PGD: variants seen among roughly 807,000 people sequenced by gnomAD.
PGD encodes the protein phosphogluconate dehydrogenase, also known as 6-phosphogluconate dehydrogenase, decarboxylating.
PGD carries 21 observed loss-of-function variants against 60.4 expected under a neutral mutation model. The observed-to-expected ratio is 0.35, with a 90% CI of 0.25 to 0.50. PGD has a LOEUF of 0.50. Ranked by LOEUF, PGD falls within the 20% of genes least tolerant of loss-of-function variation. PGD has a pLI of 0.98. For synonymous variants in PGD, 230 were observed against 235.9 expected (o/e 0.97, Z 0.23); for missense variants, 477 against 613.1 (o/e 0.78, Z 2.34).
At chr1:10,405,790 C>A (rs919598680) in intron 5 of PGD, among the ~76,000 whole-genome samples, 1 of 151,338 alleles carries the variant, frequency 6.6e-6, no homozygotes, top group African/African-American at 2.4e-5. Context: ...GAGCCGAGAT[C>A]TCACCACTGC....
chr1:10,404,347 G>C, intron 5 of PGD, 68 bp downstream of exon 5: 2 of 961,296 alleles, frequency 2.1e-6, no homozygotes, highest in Admixed American at 5.2e-5. Flanking sequence ...AATAAGCCAG[G>C]AGCAGTTCTG....
chr1:10,417,721 TC>T (rs1271582326), intron 10 of PGD, among the ~76,000 whole-genome samples: 2 of 152,148 alleles, frequency 1.3e-5, no homozygotes, highest in Non-Finnish European at 2.9e-5. Flanking sequence ...CCTTTTTTTT[TC>T]TTTTGAGACC....
At position 10,413,230 on chromosome 1, in the gene PGD, G is replaced by A. The variant is rs199582637; in HGVS notation, c.823G>A (p.Gly275Ser). The A allele has an allele frequency of 5.6e-6, 9 of 1,614,108 alleles. No homozygotes were observed. The highest frequency in any genetic ancestry group is 5.0e-5 in the Admixed American group (3 of 60,016). Residue 275 changes from glycine (G) to serine (S), a missense_variant, in exon 8 of 13, where the codon GGC (glycine) becomes AGC (serine). Gly to Ser is a moderately conservative substitution (Grantham distance 56). This residue lies in a region of PGD where 431 missense variants were observed against 556.6 expected (regional missense o/e 0.77). Coordinates refer to ENST00000270776, the MANE Select transcript of PGD (RefSeq NM_002631.4). The part of the protein sequence containing the change: ...KWTAISALEY[G>S]VPVTLIGEAV... ...GACCGCCATCTCCGCCCTGGAATACGGCGTACCCGTCACCCTCATTGGTAA... is the reference window on the plus strand; with the variant it reads ...GACCGCCATCTCCGCCCTGGAATACAGCGTACCCGTCACCCTCATTGGTAA...
chr1:10,418,844 A>G lies in PGD; in HGVS notation c.1128A>G (p.Ile376Met), dbSNP rs930964915. ...ATTTCAGTGTATTCCTAGGAAAGAT[A>G]AAGGATGCATTTGATCGAAACCCGG... ...CIIRSVFLGK[I>M]KDAFDRNPEL... is the part of the protein sequence containing the mutation. The change falls in exon 11 of 13, where the codon ATA (isoleucine) becomes ATG (methionine). Residue 376 changes from isoleucine (I) to methionine (M), a missense_variant. By Grantham distance (10) the Ile-to-Met change is conservative. This residue lies in a region of PGD where 431 missense variants were observed against 556.6 expected (regional missense o/e 0.77). Coordinates refer to ENST00000270776, the MANE Select transcript of PGD (RefSeq NM_002631.4). The G allele has an allele frequency of 1.9e-6, 3 of 1,599,898 alleles. No individual in the cohort carries two copies. The highest frequency in any genetic ancestry group is 2.6e-6 in the Non-Finnish European group (3 of 1,167,544).
chr1:10,419,721 C>T lies in PGD; in HGVS notation c.1424C>T (p.Thr475Ile), dbSNP rs768652850. The T allele has an allele frequency of 1.2e-6, 2 of 1,614,208 alleles. No individual in the cohort carries two copies. Among genetic ancestry groups the T allele is most frequent in the Non-Finnish European group, 1.7e-6 (2 of 1,180,020 alleles). Residue 475 changes from threonine (T) to isoleucine (I), a missense_variant, in exon 13 of 13, where the codon ACC (threonine) becomes ATC (isoleucine). Coordinates refer to ENST00000270776, the MANE Select transcript of PGD (RefSeq NM_002631.4). ...IHTNWTGHGG[T>I]VSSSSYNA Reference sequence around the variant, plus strand: ...ACCAACTGGACAGGCCATGGTGGCACCGTGTCATCCTCGTCATACAATGCC... The same window carrying T: ...ACCAACTGGACAGGCCATGGTGGCATCGTGTCATCCTCGTCATACAATGCC...
At chr1:10,399,222 C>T (rs1639266359) in intron 1 of PGD, 97 bp downstream of exon 1, 1 of 1,412,376 alleles carries the variant, frequency 7.1e-7, no homozygotes, top group East Asian at 2.4e-5. Context: ...GCCTCCCACC[C>T]TGGGGGTCGC....
At position 10,400,336 on chromosome 1, in the gene PGD, A is replaced by G. The variant is rs765875596; in HGVS notation, c.85-57A>G. The G allele has an allele frequency of 3.8e-6, 5 of 1,329,696 alleles. No individual in the cohort carries two copies. The African/African-American group carries it at 4.4e-5, about 12-fold the overall frequency. The allele number at this position is 1,329,696 out of a possible 1,614,324, so 82.4% of individuals were successfully genotyped here. A position where few individuals can be genotyped will look rare whatever the true frequency, so the allele number is the denominator to read the frequency against. ...TGGAAAGGTCATTGTTACTTTGGCC[A>G]CAGTCTGAAAGTCTTGTGTGTCCTG... On this transcript the variant is annotated intron_variant, in intron 2 of 12. Coordinates refer to ENST00000270776, the MANE Select transcript of PGD (RefSeq NM_002631.4).
intron 2 of PGD, 96 bp downstream of exon 2, chr1:10,399,800 C>G (rs1639284072): frequency 1.9e-6 from 2 of 1,050,456 alleles, no homozygotes; most frequent in African/African-American, 3.1e-5. Context: ...CCTGGCCGTG[C>G]TTTGCTAATG....
At chr1:10,399,979 G>A in intron 2 of PGD, 1 of 546,336 alleles carries the variant, frequency 1.8e-6, no homozygotes, top group Non-Finnish European at 3.3e-6. Context: ...TGCGGGAGGA[G>A]AACCCTTGCT....
chr1:10,407,995 G>A, intron 5 of PGD, 76 bp from the exon 6 acceptor site: 1 of 837,562 alleles, frequency 1.2e-6, no homozygotes, highest in Non-Finnish European at 2.1e-6. Flanking sequence ...GTGTCTATGG[G>A]TATGTTGGTG....
In PGD at chr1:10,408,502, A is replaced by G. The variant is rs114789841; in HGVS notation, c.519+362A>G. Among the ~76,000 whole-genome samples, 1,181 of 152,288 alleles carry G rather than the reference A, an allele frequency of 7.8e-3. 13 individuals are homozygous for G. The highest frequency in any genetic ancestry group is 0.037 in the Middle Eastern group (11 of 294). ...AAGTGGCGTTTGCTTGCATGGGTGA[A>G]AGGTGGAAGATTGAAGGTACTGTTG... On this transcript the variant is annotated intron_variant, in intron 6 of 12. Transcript: ENST00000270776.
chr1:10,414,610 CAG>C (rs1180768668), intron 8 of PGD, among the ~76,000 whole-genome samples: 3 of 151,816 alleles, frequency 2.0e-5, no homozygotes, highest in South Asian at 2.1e-4. Flanking sequence ...CTCCTAACCT[CAG>C]GGGATCTGCC....
chr1:10,413,143 G>C lies in PGD; in HGVS notation c.736G>C (p.Asp246His). The change falls in exon 8 of 13, where the codon GAT (aspartate) becomes CAT (histidine). Residue 246 changes from aspartate to histidine, a missense_variant. Physicochemically the swap from Asp to His is moderately conservative, Grantham distance 81 (BLOSUM62 -1). Coordinates refer to ENST00000270776, the MANE Select transcript of PGD (RefSeq NM_002631.4). ...TANILKFQDT[D>H]GKHLLPKIRD... The stretch of plus-strand genomic sequence containing the variant: ...CAATATTCTCAAGTTCCAAGACACC[G>C]ATGGCAAACACCTGCTGCCAAAGAT... 1 of 1,613,992 alleles carries C rather than the reference G, an allele frequency of 6.2e-7. No homozygotes were observed. The highest frequency in any genetic ancestry group is 8.5e-7 in the Non-Finnish European group (1 of 1,179,898).
At chr1:10,403,965 C>T (rs1235896885) in intron 4 of PGD, among the ~76,000 whole-genome samples, 196 bp from the exon 5 acceptor site, 1 of 152,132 alleles carries the variant, frequency 6.6e-6, no homozygotes, top group Non-Finnish European at 1.5e-5. Flanking sequence ...TTTTTTAACT[C>T]CTACACATAG....
At chr1:10,413,724 T>A (rs1411063036) in intron 8 of PGD, among the ~76,000 whole-genome samples, 1 of 152,252 alleles carries the variant, frequency 6.6e-6, no homozygotes, top group African/African-American at 2.4e-5. Context: ...GCTAACATGA[T>A]GAAACCCTGT....
intron 10 of PGD, among the ~76,000 whole-genome samples, chr1:10,417,772 C>T (rs1244217259): frequency 6.6e-6 from 1 of 152,032 alleles, no homozygotes; most frequent in Non-Finnish European, 1.5e-5. Flanking sequence ...TGCCATGATG[C>T]GATCTTGACT....
At chr1:10,409,649 CTTTT>C (rs543426528) in intron 6 of PGD, among the ~76,000 whole-genome samples, 3 of 75,416 alleles carry the variant, frequency 4.0e-5, no homozygotes, top group Admixed American at 1.8e-4. Flanking sequence ...GTGGTAGCAA[CTTTT>C]TTTTTTTTTT....
At chr1:10,406,901 C>T (rs1482469060) in intron 5 of PGD, among the ~76,000 whole-genome samples, 1 of 152,172 alleles carries the variant, frequency 6.6e-6, no homozygotes, top group Non-Finnish European at 1.5e-5. Flanking sequence ...GGTCTCTTCA[C>T]TTGCTAAAAG....
intron 5 of PGD, among the ~76,000 whole-genome samples, chr1:10,406,420 C>T (rs1436026240): frequency 2.0e-5 from 3 of 152,048 alleles, no homozygotes; most frequent in Non-Finnish European, 2.9e-5. Context: ...ATACTTATCT[C>T]GAAGCACCTG....
Sources: gnomAD v4.1 joint callset for allele counts (sites outside exome capture counted in the v4.1 genomes callset) on GRCh38, gnomAD v4.1.1 for gene constraint, gnomAD v4.1.1 regional missense constraint, MANE v1.5 for transcripts, NCBI Gene and HGNC (gene_info 2026-07-23, HGNC 2026-07-21) for gene names.